Variants in MLLT10 observed in about 807,000 individuals in gnomAD.
MLLT10 encodes the protein protein AF-10.
A neutral mutation model predicts 129.1 loss-of-function variants in MLLT10; 30 were observed. The ratio of observed to expected loss-of-function variants is 0.23; its 90% CI spans 0.17 to 0.32. The LOEUF (loss-of-function observed/expected upper bound fraction) is 0.32, where lower values mean the gene tolerates loss of function less well. Among genes scored for constraint, MLLT10 ranks in the 10% least tolerant of loss-of-function variants. The pLI is 1.00. For synonymous variants in MLLT10, 490 were observed against 446.4 expected (o/e 1.10, Z -1.23); for missense variants, 1,119 against 1,268.3 (o/e 0.88, Z 1.79).
At chr10:21,538,187 G>A (rs1268388565) in intron 2 of MLLT10, among the ~76,000 whole-genome samples, 1 of 148,032 alleles carries the variant, frequency 6.8e-6, no homozygotes, top group African/African-American at 2.5e-5. Flanking sequence ...AATTTGAGAC[G>A]GAGTTTCACT....
chr10:21,714,149 C>T (rs2056350153), intron 14 of MLLT10, among the ~76,000 whole-genome samples, 199 bp downstream of exon 14: 1 of 152,066 alleles, frequency 6.6e-6, no homozygotes, highest in South Asian at 2.1e-4. Context: ...TGTATGGGCA[C>T]CAACTAATTC....
rs77869207 is a variant in MLLT10 at position 21,582,871 on chromosome 10, C to T, written c.241-3423C>T. Reference sequence around the variant, plus strand: ...GCAGATTTTGTCATAAATTGTGGAGCGTTTCAAGTGTCTATGTAGGCTGGG... The same window carrying T: ...GCAGATTTTGTCATAAATTGTGGAGTGTTTCAAGTGTCTATGTAGGCTGGG... On this transcript the variant is annotated intron_variant, in intron 3 of 22. Coordinates refer to ENST00000307729, the MANE Select transcript of MLLT10 (RefSeq NM_001195626.3). Among the ~76,000 whole-genome samples, 29 of 152,228 alleles carry T rather than the reference C, an allele frequency of 1.9e-4. 1 individual carries two copies. The East Asian group carries it at 5.4e-3, about 28-fold the overall frequency.
intron 11 of MLLT10, among the ~76,000 whole-genome samples, chr10:21,675,617 C>T (rs753929797): frequency 1.3e-5 from 2 of 152,128 alleles, no homozygotes; most frequent in Non-Finnish European, 2.9e-5. Flanking sequence ...CAGTAAGCCC[C>T]CTTGTCACAA....
chr10:21,627,303 T>A (rs112577374), intron 8 of MLLT10, among the ~76,000 whole-genome samples: 2 of 152,266 alleles, frequency 1.3e-5, no homozygotes, highest in African/African-American at 4.8e-5. Flanking sequence ...AAGTGTATAG[T>A]TTTAATTAAA....
chr10:21,663,378 CTT>C (rs776512240), intron 9 of MLLT10, among the ~76,000 whole-genome samples: 17 of 139,930 alleles, frequency 1.2e-4, no homozygotes, highest in Admixed American at 2.9e-4. Flanking sequence ...TTTGTCTTTC[CTT>C]TTTTTTTTTT....
intron 9 of MLLT10, among the ~76,000 whole-genome samples, chr10:21,665,935 G>A (rs1412766074): frequency 6.6e-6 from 1 of 152,034 alleles, no homozygotes; most frequent in African/African-American, 2.4e-5. Flanking sequence ...TCGAACTCCT[G>A]ACCTTAGTCG....
At chr10:21,538,751 A>AT in intron 2 of MLLT10, 82 bp from the exon 3 acceptor site, 1 of 972,174 alleles carries the variant, frequency 1.0e-6, no homozygotes, top group Non-Finnish European at 1.6e-6. Context: ...TGACAGGTGG[A>AT]TTAATAGGGC....
intron 8 of MLLT10, among the ~76,000 whole-genome samples, chr10:21,645,737 T>C (rs2048408048): frequency 6.6e-6 from 1 of 152,262 alleles, no homozygotes; most frequent in Non-Finnish European, 1.5e-5. Flanking sequence ...TGTCTATGGT[T>C]CACAGATTAC....
chr10:21,740,895 A>G (rs541072092), intron 22 of MLLT10, among the ~76,000 whole-genome samples: 8 of 152,340 alleles, frequency 5.3e-5, no homozygotes, highest in African/African-American at 1.9e-4. Flanking sequence ...TGTTTCCCCT[A>G]AATTCCAGTT....
intron 8 of MLLT10, among the ~76,000 whole-genome samples, chr10:21,646,518 G>T (rs1364147558): frequency 6.6e-6 from 1 of 150,910 alleles, no homozygotes; most frequent in Admixed American, 6.6e-5. Flanking sequence ...TTTTGGGGGG[G>T]TAGATAAGAG....
At position 21,734,117 on chromosome 10, in the gene MLLT10, CACTG is replaced by C. The variant is rs2058162157; in HGVS notation, c.2850_2853del (p.Asn952ValfsTer5). 1.2e-6 allele frequency: 2 copies of C among 1,604,166 alleles called. No individual in the cohort carries two copies. Among genetic ancestry groups the C allele is most frequent in the Non-Finnish European group, 1.7e-6 (2 of 1,173,966 alleles). On this transcript the variant is annotated frameshift_variant, in exon 20 of 23. Transcript: ENST00000307729. LOFTEE classifies it high-confidence loss of function. ...AATGCAACACATCCAATGCCAGCTA[CACTG>C]ACTAACAGGTAAGAAACTTAAGTAT... is the stretch of plus-strand genomic sequence containing the variant.
intron 5 of MLLT10, among the ~76,000 whole-genome samples, chr10:21,599,688 C>CT (rs746141025): frequency 6.6e-5 from 10 of 152,154 alleles, no homozygotes; most frequent in Non-Finnish European, 1.3e-4. Context: ...CTTCAGCCCT[C>CT]TAAGTATGTG....
At chr10:21,734,345 C>G (rs1266054428) in intron 20 of MLLT10, among the ~76,000 whole-genome samples, 1 of 152,108 alleles carries the variant, frequency 6.6e-6, no homozygotes, top group African/African-American at 2.4e-5. Context: ...ATGTTCTGTG[C>G]TGAAAATTAG....
chr10:21,727,114 C>G (rs1443961653), intron 15 of MLLT10, among the ~76,000 whole-genome samples: 1 of 152,094 alleles, frequency 6.6e-6, no homozygotes, highest in East Asian at 1.9e-4. Context: ...ATGGATCAGT[C>G]TGTCTTTACC....
chr10:21,536,527 C>T (rs1414956123), intron 2 of MLLT10, among the ~76,000 whole-genome samples: 1 of 152,104 alleles, frequency 6.6e-6, no homozygotes, highest in African/African-American at 2.4e-5. Flanking sequence ...TTTTGGACAC[C>T]TATGCTGTGT....
At chr10:21,582,890 G>T (rs2041620378) in intron 3 of MLLT10, among the ~76,000 whole-genome samples, 1 of 152,220 alleles carries the variant, frequency 6.6e-6, no homozygotes, top group Admixed American at 6.5e-5. Context: ...TGTCTATGTA[G>T]GCTGGGTGAG....
At chr10:21,642,646 G>C (rs2048125014) in intron 8 of MLLT10, among the ~76,000 whole-genome samples, 2 of 139,518 alleles carry the variant, frequency 1.4e-5, no homozygotes, top group Admixed American at 7.6e-5. Flanking sequence ...AACAGAGCAA[G>C]ACTCTGTCTC....
intron 4 of MLLT10, among the ~76,000 whole-genome samples, chr10:21,590,599 A>G (rs539064750): frequency 1.3e-5 from 2 of 152,270 alleles, no homozygotes; most frequent in Admixed American, 1.3e-4. Flanking sequence ...TTGGCCTCCC[A>G]GAGTGCTAGG....
intron 8 of MLLT10, chr10:21,624,899 CT>C: frequency 1.6e-6 from 2 of 1,266,410 alleles, no homozygotes; most frequent in Non-Finnish European, 2.2e-6. Context: ...AAGGTGCCCC[CT>C]TTTGTGAATA....
Sources: gnomAD v4.1 joint callset for allele counts (sites outside exome capture counted in the v4.1 genomes callset) on GRCh38, gnomAD v4.1.1 for gene constraint, MANE v1.5 for transcripts, NCBI Gene and HGNC (gene_info 2026-07-23, HGNC 2026-07-21) for gene names.